Variants in CNTN4 observed in about 807,000 individuals in gnomAD.
CNTN4 encodes the protein contactin 4, also known as contactin-4.
A neutral mutation model predicts 122.5 loss-of-function variants in CNTN4; 77 were observed. The observed-to-expected ratio is 0.63, with a 90% CI of 0.52 to 0.76. CNTN4 has a LOEUF of 0.76. CNTN4 is among the 30% of genes least tolerant of loss of function. CNTN4 has a pLI of 0.00. For synonymous variants in CNTN4, 512 were observed against 447.0 expected, an observed-to-expected ratio of 1.15 and a Z score of -1.83; for missense variants, 1,256 against 1,259.1, an observed-to-expected ratio of 1.00 and a Z score of 0.04.
At chr3:2,629,356 A>G (rs2082327734) in intron 4 of CNTN4, among the ~76,000 whole-genome samples, 1 of 152,230 alleles carries the variant, frequency 6.6e-6, no homozygotes, top group African/African-American at 2.4e-5. Context: ...TCAGCAACCC[A>G]CTAGCTGGAA....
At chr3:2,249,237 T>A (rs1342042859) in intron 2 of CNTN4, among the ~76,000 whole-genome samples, 2 of 151,904 alleles carry the variant, frequency 1.3e-5, no homozygotes, top group African/African-American at 4.8e-5. Context: ...TGATGAACTA[T>A]TTTGAGAAGG....
intron 6 of CNTN4, among the ~76,000 whole-genome samples, chr3:2,805,177 TA>T (rs1312441144): frequency 1.2e-3 from 182 of 147,678 alleles, no homozygotes; most frequent in African/African-American, 3.5e-3. Context: ...AACTCTGTCT[TA>T]AAAAAAAAAA....
At chr3:2,179,383 T>G (rs2036907148) in intron 2 of CNTN4, among the ~76,000 whole-genome samples, 1 of 151,984 alleles carries the variant, frequency 6.6e-6, no homozygotes, top group African/African-American at 2.4e-5. Flanking sequence ...TAGGATGAAT[T>G]AGTAAGGAGA....
chr3:2,940,275 TATC>T (rs919685161), intron 13 of CNTN4, among the ~76,000 whole-genome samples: 25 of 152,334 alleles, frequency 1.6e-4, no homozygotes, highest in Admixed American at 1.4e-3. Context: ...AAATTCTAGG[TATC>T]ATGAATGGAC....
intron 4 of CNTN4, among the ~76,000 whole-genome samples, chr3:2,694,064 C>A (rs888726458): frequency 2.6e-5 from 4 of 152,152 alleles, no homozygotes; most frequent in Non-Finnish European, 2.9e-5. Context: ...ACTCTCCAGT[C>A]CTCATACTTT....
At chr3:2,491,664 T>G (rs1001344308) in intron 3 of CNTN4, among the ~76,000 whole-genome samples, 1 of 152,230 alleles carries the variant, frequency 6.6e-6, no homozygotes, top group African/African-American at 2.4e-5. Flanking sequence ...CTATCCAACC[T>G]GTATTTTCGT....
chr3:2,536,586 A>T (rs953700308), intron 3 of CNTN4, among the ~76,000 whole-genome samples: 1 of 150,986 alleles, frequency 6.6e-6, no homozygotes. Context: ...TTTTTTAAAT[A>T]ATTTTTTTTT....
intron 3 of CNTN4, among the ~76,000 whole-genome samples, chr3:2,559,799 A>G (rs2078873050): frequency 6.6e-6 from 1 of 152,202 alleles, no homozygotes; most frequent in African/African-American, 2.4e-5. Context: ...CTAAAGCATG[A>G]TGATACTGAG....
At chr3:2,607,856 A>G (rs1020309785) in intron 4 of CNTN4, among the ~76,000 whole-genome samples, 6 of 152,164 alleles carry the variant, frequency 3.9e-5, no homozygotes, top group African/African-American at 1.4e-4. Context: ...GATTTTTTCC[A>G]TACGATAGAA....
chr3:2,618,319 T>C (rs1251788770), intron 4 of CNTN4, among the ~76,000 whole-genome samples: 1 of 152,142 alleles, frequency 6.6e-6, no homozygotes, highest in East Asian at 1.9e-4. Flanking sequence ...GTATAATATG[T>C]GTATATGTGT....
chr3:2,270,790 G>C (rs1246576355), intron 2 of CNTN4, among the ~76,000 whole-genome samples: 1 of 152,114 alleles, frequency 6.6e-6, no homozygotes, highest in Non-Finnish European at 1.5e-5. Flanking sequence ...AGAGGGGCAG[G>C]CCATGGCTTA....
At chr3:2,564,387 G>A (rs1453405672) in intron 3 of CNTN4, among the ~76,000 whole-genome samples, 1 of 152,078 alleles carries the variant, frequency 6.6e-6, no homozygotes, top group Non-Finnish European at 1.5e-5. Flanking sequence ...GAATTTAAAA[G>A]CAATATATCT....
At chr3:2,303,999 T>A (rs2042616134) in intron 2 of CNTN4, among the ~76,000 whole-genome samples, 1 of 152,142 alleles carries the variant, frequency 6.6e-6, no homozygotes, top group Non-Finnish European at 1.5e-5. Flanking sequence ...GCATCTTTGG[T>A]TGAGTGTTAT....
intron 2 of CNTN4, among the ~76,000 whole-genome samples, chr3:2,221,110 G>T (rs753886685): frequency 1.3e-5 from 2 of 151,970 alleles, no homozygotes; most frequent in African/African-American, 2.4e-5. Flanking sequence ...TTGTGGAGAG[G>T]TATCATATGT....
intron 23 of CNTN4, 71 bp from the exon 24 acceptor site, chr3:3,053,736 A>G (rs1701503409): frequency 6.5e-7 from 1 of 1,536,652 alleles, no homozygotes; most frequent in East Asian, 2.3e-5. Flanking sequence ...AGAGGTGAAA[A>G]CAAATGAATG....
At chr3:2,128,909 G>T in intron 2 of CNTN4, among the ~76,000 whole-genome samples, 1 of 152,058 alleles carries the variant, frequency 6.6e-6, no homozygotes, top group East Asian at 1.9e-4. Context: ...GCTAGATTTT[G>T]GTTTTACAGG....
At chr3:2,706,854 T>G (rs1252888562) in intron 4 of CNTN4, among the ~76,000 whole-genome samples, 1 of 152,106 alleles carries the variant, frequency 6.6e-6, no homozygotes, top group African/African-American at 2.4e-5. Context: ...TCTCTTAAGG[T>G]CTCTGTGCCT....
intron 2 of CNTN4, among the ~76,000 whole-genome samples, chr3:2,246,240 G>T (rs2149649491): frequency 6.6e-6 from 1 of 152,076 alleles, no homozygotes; most frequent in East Asian, 1.9e-4. Context: ...AAAATGTTTA[G>T]ATTCTGTGGC....
chr3:2,698,696 T>C (rs1254579405), intron 4 of CNTN4, among the ~76,000 whole-genome samples: 1 of 152,154 alleles, frequency 6.6e-6, no homozygotes, highest in African/African-American at 2.4e-5. Context: ...GGCATTCTTT[T>C]AAGATATAAA....
Sources: allele counts gnomAD v4.1 joint callset (sites outside exome capture counted in the v4.1 genomes callset), GRCh38; gene constraint gnomAD v4.1.1; transcripts MANE v1.5; gene names NCBI Gene and HGNC (gene_info 2026-07-23, HGNC 2026-07-21).